ZNF782: variants seen among roughly 807,000 people sequenced by gnomAD.
ZNF782 encodes the protein zinc finger protein 782.
In ZNF782, 12 loss-of-function variants were observed where a neutral mutation model predicts 13.0. The observed-to-expected ratio is 0.92, with a 90% CI of 0.59 to 1.50. ZNF782 has a LOEUF of 1.50. Among genes scored for constraint, ZNF782 ranks in the 40% most tolerant of loss-of-function variants. ZNF782 has a pLI of 0.00. For missense variants in ZNF782, 770 were observed against 822.9 expected (o/e 0.94, Z 0.79); for synonymous variants, 284 against 283.0 (o/e 1.00, Z -0.04).
the ZNF782 span, among the ~76,000 whole-genome samples, chr9:96,904,006 G>A: frequency 6.6e-6 from 1 of 151,672 alleles, no homozygotes; most frequent in Non-Finnish European, 1.5e-5. Flanking sequence ...ATGTGTGCAA[G>A]TTCTAGTTAC....
chr9:96,844,017 A>T (rs1368996584), intron 4 of ZNF782, among the ~76,000 whole-genome samples: 1 of 152,236 alleles, frequency 6.6e-6, no homozygotes, highest in African/African-American at 2.4e-5. Flanking sequence ...ACATAAAAAG[A>T]GGTTCAATGT....
chr9:96,836,299 A>C (rs1588158852), intron 4 of ZNF782, among the ~76,000 whole-genome samples: 1 of 141,468 alleles, frequency 7.1e-6, no homozygotes, highest in Admixed American at 7.5e-5. Flanking sequence ...TGCAATCTCC[A>C]CCTCCCGGAT....
At position 96,852,034 on chromosome 9, in the gene ZNF782, G is replaced by A. The variant is rs564792646; in HGVS notation, c.-44-29C>T. The A allele has an allele frequency of 1.8e-4, 261 of 1,466,116 alleles. 1 individual carries two copies. Among genetic ancestry groups the A allele is most frequent in the Admixed American group, 3.4e-4 (20 of 59,010 alleles). The allele number at this position is 1,466,116 out of a possible 1,614,324, so 90.8% of individuals were successfully genotyped here. A position where few individuals can be genotyped will look rare whatever the true frequency, so the allele number is the denominator to read the frequency against. On this transcript the variant is annotated intron_variant, in intron 2 of 5. Transcript: ENST00000481138. ...GGGGGACAGAAAGAGGATGTCACAC[G>A]GTCTCGCCTACCTCACAGCTCCTAG...
intron 5 of ZNF782, among the ~76,000 whole-genome samples, chr9:96,820,847 G>A (rs2118322632): frequency 6.6e-6 from 1 of 152,274 alleles, no homozygotes; most frequent in East Asian, 1.9e-4. Flanking sequence ...ACCACATCCG[G>A]CCAATAGTGA....
At chr9:96,913,751 G>A in the ZNF782 span, among the ~76,000 whole-genome samples, 3 of 151,652 alleles carry the variant, frequency 2.0e-5, no homozygotes, top group African/African-American at 7.3e-5. Flanking sequence ...TGTCAGACTC[G>A]CAACCTCAGG....
chr9:96,881,118 G>A, the ZNF782 span, among the ~76,000 whole-genome samples: 1 of 147,458 alleles, frequency 6.8e-6, no homozygotes, highest in Non-Finnish European at 1.5e-5. Context: ...TAGAACCCCT[G>A]TTTTCTGCCT....
chr9:96,827,108 C>T lies in ZNF782; in HGVS notation c.216G>A (p.Glu72=), dbSNP rs34630409. 1.9e-6 allele frequency: 3 copies of T among 1,611,980 alleles called. No individual in the cohort carries two copies. In the African/African-American group the frequency reaches 4.0e-5, roughly 22 times the overall value. The change falls in exon 5 of 6, where the codon GAG becomes GAA. Residue 72 remains glutamate, a synonymous_variant. Transcript: ENST00000481138. ...GGGAGTTCCTGCTTAGAAATCCTTT[C>T]TCTTTCTCTAATAACCATGGATCTT... ...QGEDPWLLEK[E]KGFLSRNSPE... is the part of the protein sequence containing the mutation.
chr9:96,826,006 C>G lies in ZNF782; in HGVS notation c.244+1074G>C, dbSNP rs200559970. Among the ~76,000 whole-genome samples, 1,402 of 152,276 alleles carry G rather than the reference C, an allele frequency of 9.2e-3. 50 individuals carry two copies. In the East Asian group the frequency reaches 0.1, roughly 11 times the overall value. The stretch of plus-strand genomic sequence containing the variant: ...GTCAGTGTGGCAATTCCTCAGGGAT[C>G]TAGAACTAGAAATACCATTTGAGCC... On this transcript the variant is annotated intron_variant, in intron 5 of 5. Transcript: ENST00000481138.
intron 4 of ZNF782, among the ~76,000 whole-genome samples, chr9:96,838,307 A>G (rs1018359741): frequency 2.6e-5 from 4 of 152,118 alleles, no homozygotes; most frequent in African/African-American, 9.7e-5. Flanking sequence ...CTTTGGATGA[A>G]TGTTTTACAT....
At chr9:96,882,770 T>C in the ZNF782 span, among the ~76,000 whole-genome samples, 1 of 152,220 alleles carries the variant, frequency 6.6e-6, no homozygotes, top group Non-Finnish European at 1.5e-5. Flanking sequence ...TCAATGCCAT[T>C]ATAGAAATTT....
At chr9:96,931,946 G>T in the ZNF782 span, 1 of 1,611,806 alleles carries the variant, frequency 6.2e-7, no homozygotes. Flanking sequence ...GGCTTCCAAC[G>T]TCTTTGTCCA....
intron 1 of ZNF782, among the ~76,000 whole-genome samples, chr9:96,862,901 T>A (rs922761513): frequency 6.6e-6 from 1 of 152,170 alleles, no homozygotes; most frequent in African/African-American, 2.4e-5. Context: ...CGGCGGTGGG[T>A]GGCTCTAGCT....
At chr9:96,878,524 T>C (rs1336988896), upstream of ZNF782, among the ~76,000 whole-genome samples, 1 of 152,246 alleles carries the variant, frequency 6.6e-6, no homozygotes, top group African/African-American at 2.4e-5. Flanking sequence ...CACTTTAGGC[T>C]ACAGCAAACA....
the ZNF782 span, among the ~76,000 whole-genome samples, chr9:96,929,618 G>A: frequency 2.0e-4 from 30 of 152,116 alleles, no homozygotes; most frequent in African/African-American, 7.0e-4. Context: ...CCTCCCCAGA[G>A]ATGGCTTCTC....
At chr9:96,822,781 C>T (rs905204135) in intron 5 of ZNF782, among the ~76,000 whole-genome samples, 3 of 151,870 alleles carry the variant, frequency 2.0e-5, no homozygotes, top group Non-Finnish European at 4.4e-5. Context: ...TGTTTTTTAT[C>T]TTTGAAATTT....
the ZNF782 span, among the ~76,000 whole-genome samples, chr9:96,916,435 G>C: frequency 4.6e-5 from 7 of 152,040 alleles, no homozygotes; most frequent in Admixed American, 4.6e-4. Flanking sequence ...TTTGCAGTGA[G>C]CTGAGATTGT....
chr9:96,816,894 T>C lies in ZNF782; in HGVS notation c.*1029A>G, dbSNP rs1483687180. ...TTTGTCCTATGTGACTTTTCTGACA[T>C]ACACTGAGTTCAGATGTCCTGAAAA... On this transcript the variant is annotated 3_prime_UTR_variant, in exon 6 of 6. Transcript: ENST00000481138. 1 of 152,236 alleles carries C rather than the reference T, an allele frequency of 6.6e-6. No individual in the cohort carries two copies. The highest frequency in any genetic ancestry group is 2.4e-5 in the African/African-American group (1 of 41,450). The allele number at this position is 152,236 out of a possible 1,614,324, so 9.4% of individuals were successfully genotyped here. A position where few individuals can be genotyped will look rare whatever the true frequency, so the allele number is the denominator to read the frequency against.
At chr9:96,874,058 C>T (rs1012113186) in intron 1 of ZNF782, among the ~76,000 whole-genome samples, 2 of 152,156 alleles carry the variant, frequency 1.3e-5, no homozygotes, top group South Asian at 2.1e-4. Flanking sequence ...AAATTTTTAA[C>T]TCTGGTATTG....
the ZNF782 span, among the ~76,000 whole-genome samples, chr9:96,906,605 G>C: frequency 6.6e-6 from 1 of 152,198 alleles, no homozygotes; most frequent in East Asian, 1.9e-4. Flanking sequence ...TTGATGAAAA[G>C]ATGCCTAGGG....
Sources: gnomAD v4.1 joint callset for allele counts (sites outside exome capture counted in the v4.1 genomes callset) on GRCh38, gnomAD v4.1.1 for gene constraint, MANE v1.5 for transcripts, NCBI Gene and HGNC (gene_info 2026-07-23, HGNC 2026-07-21) for gene names.